The following MTNR1B variants were observed in gnomAD, a reference collection of about 807,000 sequenced individuals.
The protein encoded by MTNR1B is melatonin receptor 1B.
Under a neutral mutation model 7.0 loss-of-function variants are expected in MTNR1B, and 7 were observed. That is an observed-to-expected ratio of 1.00 (90% CI 0.57 to 1.88). The LOEUF (loss-of-function observed/expected upper bound fraction) is 1.88. Among genes scored for constraint, MTNR1B ranks in the 40% most tolerant of loss-of-function variants. MTNR1B has a pLI of 0.00. For missense variants in MTNR1B, 478 were observed against 486.5 expected (o/e 0.98, Z 0.16); for synonymous variants, 226 against 208.2 (o/e 1.09, Z -0.74).
intron 1 of MTNR1B, chr11:92,972,352 T>A (rs1857940186): frequency 2.2e-6 from 1 of 454,390 alleles, no homozygotes; most frequent in Non-Finnish European, 4.4e-6. Context: ...TATCCTTTAC[T>A]TGCCTATCAC....
intron 1 of MTNR1B, 86 bp downstream of exon 1, chr11:92,970,034 C>A: frequency 7.3e-7 from 1 of 1,375,592 alleles, no homozygotes; most frequent in South Asian, 1.7e-5. Flanking sequence ...TATGCGCTGC[C>A]TTTTCCCTCC....
chr11:92,974,849 G>A (rs554631758), intron 1 of MTNR1B, among the ~76,000 whole-genome samples: 175 of 152,128 alleles, frequency 1.2e-3, no homozygotes, highest in Non-Finnish European at 2.2e-3. Flanking sequence ...TGATCCGCCC[G>A]CCTTGGCCTC....
chr11:92,975,796 G>A (rs1252289027), intron 1 of MTNR1B, among the ~76,000 whole-genome samples: 1 of 152,294 alleles, frequency 6.6e-6, no homozygotes, highest in East Asian at 1.9e-4. Context: ...GTTATAGAAT[G>A]AAGTGGAGCC....
chr11:92,975,232 G>C (rs1244975304), intron 1 of MTNR1B, among the ~76,000 whole-genome samples: 1 of 152,148 alleles, frequency 6.6e-6, no homozygotes, highest in African/African-American at 2.4e-5. Flanking sequence ...GTTATTCCTG[G>C]CTCCATAGGC....
At chr11:92,981,399 C>A (rs758060678) in intron 1 of MTNR1B, 48 bp from the exon 2 acceptor site, 2 of 1,569,130 alleles carry the variant, frequency 1.3e-6, no homozygotes, top group Non-Finnish European at 1.7e-6. Context: ...TCTACAGAAT[C>A]TAAGTCGTGG....
rs142857082 is a variant in MTNR1B at position 92,976,868 on chromosome 11, CTGTT to C, written c.224-4577_224-4574del. Among the ~76,000 whole-genome samples, 1,146 of 152,298 alleles carry C rather than the reference CTGTT, an allele frequency of 7.5e-3. 6 individuals carry two copies. Among genetic ancestry groups the C allele is most frequent in the Non-Finnish European group, 0.013 (864 of 68,030 alleles). On this transcript the variant is annotated intron_variant, in intron 1 of 1. Coordinates refer to ENST00000257068, the MANE Select transcript of MTNR1B (RefSeq NM_005959.5). The stretch of plus-strand genomic sequence containing the variant: ...TGAGCAATTCACACAAACTGGGTGT[CTGTT>C]TCTTTATCTATAAAACAGAAATCAT...
At chr11:92,976,283 A>G (rs879366930) in intron 1 of MTNR1B, among the ~76,000 whole-genome samples, 3 of 152,164 alleles carry the variant, frequency 2.0e-5, no homozygotes, top group Non-Finnish European at 4.4e-5. Flanking sequence ...ATTGGGAAGT[A>G]AAGCCCCAGT....
In MTNR1B at chr11:92,982,055, C is replaced by G. The variant is rs141855040; in HGVS notation, c.832C>G (p.Pro278Ala). ...NCIGLAVAINPQEMAPQIPEG... is the reference protein window; with the variant it reads ...NCIGLAVAINAQEMAPQIPEG... ...CATCGGCCTCGCTGTGGCCATCAACCCCCAAGAAATGGCTCCCCAGATCCC... is the reference window on the plus strand; with the variant it reads ...CATCGGCCTCGCTGTGGCCATCAACGCCCAAGAAATGGCTCCCCAGATCCC... Residue 278 changes from proline to alanine, a missense_variant, in exon 2 of 2, where the codon CCC becomes GCC. Transcript: ENST00000257068. The G allele has an allele frequency of 4.3e-6, 7 of 1,614,118 alleles. No homozygotes were observed. In the African/African-American group the frequency reaches 9.3e-5, roughly 22 times the overall value.
At chr11:92,971,871 T>G (rs956677401) in intron 1 of MTNR1B, among the ~76,000 whole-genome samples, 4 of 152,104 alleles carry the variant, frequency 2.6e-5, no homozygotes, top group African/African-American at 9.7e-5. Flanking sequence ...TGCTGGCATA[T>G]CCTCTGTTCT....
downstream of MTNR1B, among the ~76,000 whole-genome samples, chr11:92,982,947 CCA>C (rs71473981): frequency 8.1e-3 from 535 of 66,118 alleles, 9 homozygotes; most frequent in African/African-American, 0.03. Context: ...CCCCCCCCCC[CCA>C]CACACACACA....
At chr11:92,971,314 T>A (rs1857919159) in intron 1 of MTNR1B, among the ~76,000 whole-genome samples, 1 of 152,092 alleles carries the variant, frequency 6.6e-6, no homozygotes. Flanking sequence ...CAACTGTGAG[T>A]ATCCAGCCAT....
intron 1 of MTNR1B, among the ~76,000 whole-genome samples, chr11:92,976,653 C>A (rs1260755363): frequency 6.6e-6 from 1 of 152,218 alleles, no homozygotes; most frequent in African/African-American, 2.4e-5. Context: ...AAGCTCTCAA[C>A]AGAATTTGTT....
chr11:92,976,037 T>A (rs1858005243), intron 1 of MTNR1B, among the ~76,000 whole-genome samples: 1 of 152,222 alleles, frequency 6.6e-6, no homozygotes, highest in East Asian at 1.9e-4. Flanking sequence ...AGTTTTTAAA[T>A]CCCATAATTA....
At chr11:92,977,489 A>T (rs1273074115) in intron 1 of MTNR1B, among the ~76,000 whole-genome samples, 1 of 152,200 alleles carries the variant, frequency 6.6e-6, no homozygotes, top group African/African-American at 2.4e-5. Flanking sequence ...CCCATACAAC[A>T]TCTTATTTGA....
chr11:92,977,840 A>G (rs141166874), intron 1 of MTNR1B, among the ~76,000 whole-genome samples: 39 of 152,378 alleles, frequency 2.6e-4, no homozygotes, highest in African/African-American at 8.7e-4. Context: ...GAGTGGAAGA[A>G]GACCTCAAGG....
chr11:92,984,742 T>C (rs1346884364), downstream of MTNR1B: 1 of 384,308 alleles, frequency 2.6e-6, no homozygotes, highest in Non-Finnish European at 5.1e-6. Flanking sequence ...CCCATAGCTG[T>C]TACCTGGTTT....
chr11:92,983,816 G>A (rs1341666895), downstream of MTNR1B, among the ~76,000 whole-genome samples: 4 of 152,166 alleles, frequency 2.6e-5, no homozygotes, highest in Non-Finnish European at 5.9e-5. Context: ...ATCCATTGGT[G>A]CTTTCTATGT....
chr11:92,970,615 G>A (rs774147447), intron 1 of MTNR1B, among the ~76,000 whole-genome samples: 8 of 152,150 alleles, frequency 5.3e-5, no homozygotes, highest in Non-Finnish European at 1.2e-4. Flanking sequence ...AAATCGTGTT[G>A]TAATCCTGAA....
chr11:92,982,217 T>G lies in MTNR1B; in HGVS notation c.994T>G (p.Cys332Gly). ...ILLALWNPRH[C>G]IQDASKGSHA... ...CTTGGCCCTTTGGAACCCACGGCAC[T>G]GCATTCAAGATGCTTCCAAGGGCAG... Residue 332 changes from cysteine (C) to glycine (G), a missense_variant, in exon 2 of 2, where the codon TGC becomes GGC. Cys to Gly is a radical substitution (Grantham distance 159). Coordinates refer to ENST00000257068, the MANE Select transcript of MTNR1B (RefSeq NM_005959.5). 1 of 1,614,238 alleles carries G rather than the reference T, an allele frequency of 6.2e-7. No homozygotes were observed. Among genetic ancestry groups the G allele is most frequent in the South Asian group, 1.1e-5 (1 of 91,086 alleles).
Sources: gnomAD v4.1 joint callset for allele counts (sites outside exome capture counted in the v4.1 genomes callset) on GRCh38, gnomAD v4.1.1 for gene constraint, MANE v1.5 for transcripts, NCBI Gene and HGNC (gene_info 2026-07-23, HGNC 2026-07-21) for gene names.